CABCOCO1: variants seen among roughly 807,000 people sequenced by gnomAD.
CABCOCO1 encodes the protein ciliary associated calcium binding coiled-coil 1.
A neutral mutation model predicts 35.7 loss-of-function variants in CABCOCO1; 28 were observed. The observed-to-expected ratio is 0.78, with a 90% CI of 0.58 to 1.07. CABCOCO1 has a LOEUF of 1.07. Ranked by LOEUF, CABCOCO1 falls within the 50% of genes least tolerant of loss-of-function variation. The pLI is 0.00. For synonymous variants in CABCOCO1, 95 were observed against 100.1 expected, an observed-to-expected ratio of 0.95 and a Z score of 0.30; for missense variants, 326 against 309.2, an observed-to-expected ratio of 1.05 and a Z score of -0.41.
At chr10:61,682,588 C>G (rs549792016) in intron 3 of CABCOCO1, among the ~76,000 whole-genome samples, 2 of 152,214 alleles carry the variant, frequency 1.3e-5, no homozygotes, top group South Asian at 2.1e-4. Flanking sequence ...TCTTATGATG[C>G]TAAATTGGTT....
intron 5 of CABCOCO1, among the ~76,000 whole-genome samples, chr10:61,737,962 T>A (rs941940558): frequency 9.2e-5 from 14 of 151,832 alleles, no homozygotes; most frequent in East Asian, 3.9e-4. Flanking sequence ...AAAATAAAAA[T>A]TTTTTTAAAT....
chr10:61,766,009 C>T lies in CABCOCO1; in HGVS notation c.887C>T (p.Ala296Val), dbSNP rs1289111709. The T allele has an allele frequency of 3.1e-6, 5 of 1,611,578 alleles. No homozygotes were observed. The highest frequency in any genetic ancestry group is 4.2e-6 in the Non-Finnish European group (5 of 1,178,202). Reference sequence around the variant, plus strand: ...GCACGAATAGAAAAATTGAAAAAGGCCTAAGGACTTGGTACAAGGAGAGTG... The same window carrying T: ...GCACGAATAGAAAAATTGAAAAAGGTCTAAGGACTTGGTACAAGGAGAGTG... ...FNARIEKLKK[A>V] is the part of the protein sequence containing the mutation. Residue 296 changes from alanine (A) to valine (V), a missense_variant, in exon 8 of 8, where the codon GCC becomes GTC. Coordinates refer to ENST00000648843, the MANE Select transcript of CABCOCO1 (RefSeq NM_001366906.2).
chr10:61,681,407 T>C, intron 3 of CABCOCO1, 95 bp downstream of exon 3: 1 of 943,276 alleles, frequency 1.1e-6, no homozygotes, highest in South Asian at 1.9e-5. Context: ...TTGTAATTCC[T>C]TTAATGAAAA....
Position 61,697,958 on chromosome 10 carries a change from G to C in CABCOCO1, c.552+7337G>C, listed in dbSNP as rs1589128428. 4.6e-5 allele frequency among the ~76,000 whole-genome samples: 7 copies of C among 152,160 alleles called. No homozygotes were observed. In the South Asian group the frequency reaches 1.4e-3, roughly 31 times the overall value. On this transcript the variant is annotated intron_variant, in intron 5 of 7. Transcript: ENST00000648843. Reference sequence around the variant, plus strand: ...AAGTCATTTATAGAGTAAAAATCTAGTGTGGTGCTATAACATCCCAAATTT... The same window carrying C: ...AAGTCATTTATAGAGTAAAAATCTACTGTGGTGCTATAACATCCCAAATTT...
intron 5 of CABCOCO1, among the ~76,000 whole-genome samples, chr10:61,708,067 C>T (rs1840636436): frequency 6.6e-6 from 1 of 151,802 alleles, no homozygotes; most frequent in African/African-American, 2.4e-5. Flanking sequence ...GTAAGTTTGC[C>T]TTGGGCATTC....
intron 5 of CABCOCO1, among the ~76,000 whole-genome samples, chr10:61,723,302 G>A (rs1164746386): frequency 6.6e-6 from 1 of 152,030 alleles, no homozygotes; most frequent in East Asian, 1.9e-4. Context: ...TTACTGATAG[G>A]GGCTTTTACT....
At chr10:61,762,336 C>T (rs1245062691) in intron 7 of CABCOCO1, among the ~76,000 whole-genome samples, 1 of 151,972 alleles carries the variant, frequency 6.6e-6, no homozygotes, top group African/African-American at 2.4e-5. Flanking sequence ...GCATTTATAC[C>T]CCTATTCTAT....
Position 61,686,094 on chromosome 10 carries a change from G to A in CABCOCO1, c.388G>A (p.Glu130Lys). 1.2e-6 allele frequency: 2 copies of A among 1,608,660 alleles called. No individual in the cohort carries two copies. Among genetic ancestry groups the A allele is most frequent in the Non-Finnish European group, 1.7e-6 (2 of 1,178,436 alleles). ...SIKWLGEVMA[E>K]IGPTHSQKSE... ...AAAATGGCTTGGAGAAGTTATGGCTGAAATAGGACCAACACATTCGCAAAA... is the reference window on the plus strand; with the variant it reads ...AAAATGGCTTGGAGAAGTTATGGCTAAAATAGGACCAACACATTCGCAAAA... Residue 130 changes from glutamate to lysine, a missense_variant, in exon 4 of 8, where the codon GAA (glutamate) becomes AAA (lysine). By Grantham distance (56) the Glu-to-Lys change is moderately conservative. Coordinates refer to ENST00000648843, the MANE Select transcript of CABCOCO1 (RefSeq NM_001366906.2).
intron 5 of CABCOCO1, among the ~76,000 whole-genome samples, chr10:61,754,269 ATAATTCAG>A (rs1841851901): frequency 1.3e-5 from 2 of 152,156 alleles, no homozygotes; most frequent in Non-Finnish European, 2.9e-5. Flanking sequence ...TCTAAAGCCT[ATAATTCAG>A]TGATCTATCT....
intron 5 of CABCOCO1, among the ~76,000 whole-genome samples, chr10:61,745,701 A>C (rs1359231464): frequency 2.6e-5 from 4 of 152,210 alleles, no homozygotes; most frequent in Non-Finnish European, 5.9e-5. Context: ...AAAACACAAG[A>C]GACTCTTCTT....
rs532067409 is a variant in CABCOCO1, at chr10:61,734,432, C to T, written c.553-25627C>T. ...CTGTTAACTATTGAAAACCTGAAGC[C>T]CACCTTCACTCTTCAATGGGATATT... On this transcript the variant is annotated intron_variant, in intron 5 of 7. Transcript: ENST00000648843. Among the ~76,000 whole-genome samples the T allele has an allele frequency of 2.7e-4, 41 of 151,984 alleles. 2 individuals are homozygous for T. In the East Asian group the frequency reaches 7.9e-3, roughly 29 times the overall value.
chr10:61,709,132 T>C (rs1840665211), intron 5 of CABCOCO1, among the ~76,000 whole-genome samples: 1 of 152,166 alleles, frequency 6.6e-6, no homozygotes, highest in African/African-American at 2.4e-5. Context: ...GGAAAATATT[T>C]AACATTCAAC....
intron 5 of CABCOCO1, among the ~76,000 whole-genome samples, chr10:61,734,110 G>A (rs913657866): frequency 6.6e-6 from 1 of 151,602 alleles, no homozygotes; most frequent in Non-Finnish European, 1.5e-5. Context: ...TACTTATTAC[G>A]TATTTATTTC....
intron 5 of CABCOCO1, among the ~76,000 whole-genome samples, chr10:61,720,028 G>A (rs1451660860): frequency 6.6e-6 from 1 of 151,920 alleles, no homozygotes; most frequent in Non-Finnish European, 1.5e-5. Flanking sequence ...GATTCAACAT[G>A]CATAGGACTG....
chr10:61,682,360 TA>T (rs1839818890), intron 3 of CABCOCO1, among the ~76,000 whole-genome samples: 2 of 152,168 alleles, frequency 1.3e-5, no homozygotes, highest in Non-Finnish European at 2.9e-5. Flanking sequence ...AAATTTTTTT[TA>T]AAAATCCCTC....
chr10:61,742,199 G>A (rs979103290), intron 5 of CABCOCO1, among the ~76,000 whole-genome samples: 6 of 152,126 alleles, frequency 3.9e-5, no homozygotes, highest in South Asian at 2.1e-4. Flanking sequence ...TGCAAGACTC[G>A]GGGGGAGACA....
At position 61,766,135 on chromosome 10, in the gene CABCOCO1, C is replaced by A; in HGVS notation, c.*122C>A. 1 of 880,144 alleles carries A rather than the reference C, an allele frequency of 1.1e-6. No individual in the cohort carries two copies. The highest frequency in any genetic ancestry group is 1.7e-6 in the Non-Finnish European group (1 of 590,040). 54.5% of individuals were successfully genotyped at this position (880,144 alleles called of 1,614,324 possible). On this transcript the variant is annotated 3_prime_UTR_variant, in exon 8 of 8. Coordinates refer to ENST00000648843, the MANE Select transcript of CABCOCO1 (RefSeq NM_001366906.2). ...GTTGTGAAAGGAAAACCAAGCCCCA[C>A]TTTTTATTTTCCTAAGTAATTAGAA...
intron 5 of CABCOCO1, among the ~76,000 whole-genome samples, chr10:61,708,481 TAC>T (rs1471810732): frequency 2.6e-5 from 4 of 152,070 alleles, no homozygotes; most frequent in African/African-American, 9.7e-5. Context: ...ATTTATTTCT[TAC>T]AGTTCTAGAG....
At chr10:61,714,144 CT>C (rs1840801444) in intron 5 of CABCOCO1, among the ~76,000 whole-genome samples, 1 of 152,066 alleles carries the variant, frequency 6.6e-6, no homozygotes, top group Admixed American at 6.6e-5. Flanking sequence ...TTGTCCTGGA[CT>C]TTTTTTGGTT....
Sources: allele counts gnomAD v4.1 joint callset (sites outside exome capture counted in the v4.1 genomes callset), GRCh38; gene constraint gnomAD v4.1.1; transcripts MANE v1.5; gene names NCBI Gene and HGNC (gene_info 2026-07-23, HGNC 2026-07-21).